The following PTPRE variants were observed in gnomAD, a reference collection of about 807,000 sequenced individuals.
PTPRE encodes receptor-type tyrosine-protein phosphatase epsilon.
Under a neutral mutation model 102.0 loss-of-function variants are expected in PTPRE, and 51 were observed. That is an observed-to-expected ratio of 0.50 (90% CI 0.40 to 0.63). The LOEUF (loss-of-function observed/expected upper bound fraction) is 0.63, where lower values mean the gene tolerates loss of function less well. PTPRE is among the 30% of genes least tolerant of loss of function. PTPRE has a pLI of 0.00. For missense variants in PTPRE, 752 were observed against 915.1 expected, an observed-to-expected ratio of 0.82 and a Z score of 2.30; for synonymous variants, 345 against 348.2, an observed-to-expected ratio of 0.99 and a Z score of 0.10.
intron 1 of PTPRE, among the ~76,000 whole-genome samples, chr10:127,943,825 G>C (rs1453277195): frequency 6.6e-6 from 1 of 152,180 alleles, no homozygotes; most frequent in Non-Finnish European, 1.5e-5. Flanking sequence ...AAGGAGGCCT[G>C]TTCCTCACGA....
intron 2 of PTPRE, among the ~76,000 whole-genome samples, chr10:128,019,947 G>A (rs1845733612): frequency 6.6e-6 from 1 of 152,192 alleles, no homozygotes; most frequent in African/African-American, 2.4e-5. Flanking sequence ...AGTTCTCAGA[G>A]AAATGCCCAG....
intron 1 of PTPRE, among the ~76,000 whole-genome samples, chr10:127,976,706 A>C (rs1851207894): frequency 6.6e-6 from 1 of 151,776 alleles, no homozygotes; most frequent in South Asian, 2.1e-4. Flanking sequence ...ATTCTACTAA[A>C]CTCCTTCATG....
At chr10:128,007,627 C>G (rs1324612878) in intron 2 of PTPRE, among the ~76,000 whole-genome samples, 1 of 152,224 alleles carries the variant, frequency 6.6e-6, no homozygotes, top group Non-Finnish European at 1.5e-5. Context: ...ATGTGGGTTT[C>G]TGAAGTCTGG....
intron 1 of PTPRE, among the ~76,000 whole-genome samples, chr10:127,973,834 C>T (rs915092613): frequency 6.6e-6 from 1 of 152,188 alleles, no homozygotes; most frequent in African/African-American, 2.4e-5. Context: ...GCCAAGCCCA[C>T]GGTCACGCTT....
intron 8 of PTPRE, 82 bp downstream of exon 8, chr10:128,061,097 TA>T: frequency 1.4e-6 from 2 of 1,394,360 alleles, no homozygotes; most frequent in Non-Finnish European, 2.0e-6. Context: ...GCCCGGAGTG[TA>T]AATTGTCACA....
intron 2 of PTPRE, among the ~76,000 whole-genome samples, chr10:127,983,853 A>T (rs749155582): frequency 6.6e-6 from 1 of 152,128 alleles, no homozygotes; most frequent in Non-Finnish European, 1.5e-5. Context: ...CAGCTGAGTG[A>T]TCCTGTGACA....
chr10:128,068,010 C>T, intron 11 of PTPRE, 113 bp from the exon 12 acceptor site: 1 of 1,240,274 alleles, frequency 8.1e-7, no homozygotes, highest in Non-Finnish European at 1.1e-6. Flanking sequence ...ATGGGCCCCT[C>T]CCCTACGCAG....
chr10:127,962,464 C>A (rs909914374), intron 1 of PTPRE, among the ~76,000 whole-genome samples: 1 of 152,210 alleles, frequency 6.6e-6, no homozygotes, highest in Non-Finnish European at 1.5e-5. Flanking sequence ...GCAGCTGCTC[C>A]GCTGGACACA....
chr10:127,956,254 T>G (rs1205446355), intron 1 of PTPRE, among the ~76,000 whole-genome samples: 1 of 152,084 alleles, frequency 6.6e-6, no homozygotes, highest in Non-Finnish European at 1.5e-5. Context: ...AACATTATTT[T>G]GGGGTGTTGT....
intron 1 of PTPRE, among the ~76,000 whole-genome samples, chr10:127,980,338 C>CTTTTTTTTTTT (rs11336623): frequency 1.4e-5 from 2 of 143,972 alleles, no homozygotes; most frequent in Non-Finnish European, 3.0e-5. Flanking sequence ...TATACAAATC[C>CTTTTTTTTTTT]TTTTTTTTTT....
At chr10:127,932,023 T>C (rs999163936) in intron 1 of PTPRE, among the ~76,000 whole-genome samples, 4 of 152,214 alleles carry the variant, frequency 2.6e-5, no homozygotes, top group African/African-American at 9.6e-5. Flanking sequence ...AATACCGTCT[T>C]CAATGGTTAA....
chr10:127,922,606 G>T (rs1426733256), intron 1 of PTPRE, among the ~76,000 whole-genome samples: 1 of 152,202 alleles, frequency 6.6e-6, no homozygotes, highest in Non-Finnish European at 1.5e-5. Context: ...CCAGCTCTCT[G>T]CTCCACAGAA....
chr10:128,060,999 A>G lies in PTPRE; in HGVS notation c.572A>G (p.Asn191Ser), dbSNP rs1849539808. The G allele has an allele frequency of 1.2e-6, 2 of 1,614,112 alleles. No individual in the cohort carries two copies. Among genetic ancestry groups the G allele is most frequent in the African/African-American group, 2.7e-5 (2 of 75,038 alleles). The change falls in exon 8 of 21, where the codon AAT becomes AGT. Residue 191 changes from asparagine (N) to serine (S), a missense_variant. Transcript: ENST00000254667. Reference protein sequence around the residue: ...LDGIPCSDYINASYIDGYKEK... With the variant: ...LDGIPCSDYISASYIDGYKEK... Reference sequence around the variant, plus strand: ...GGAATTCCCTGTTCAGACTACATCAATGCTTCCTACATAGATGTAAGTGGG... The same window carrying G: ...GGAATTCCCTGTTCAGACTACATCAGTGCTTCCTACATAGATGTAAGTGGG...
intron 2 of PTPRE, among the ~76,000 whole-genome samples, chr10:127,993,331 AT>A (rs1203735753): frequency 9.2e-5 from 14 of 152,198 alleles, no homozygotes; most frequent in Admixed American, 6.5e-5. Context: ...TCTAACTCCC[AT>A]TTTCTACTTT....
chr10:127,941,185 G>A (rs1304061218), intron 1 of PTPRE, among the ~76,000 whole-genome samples: 1 of 152,360 alleles, frequency 6.6e-6, no homozygotes, highest in East Asian at 1.9e-4. Flanking sequence ...CAAGGTCACT[G>A]CCACTGGGCT....
intron 2 of PTPRE, chr10:127,987,213 C>T (rs1852166937): frequency 1.5e-6 from 1 of 675,896 alleles, no homozygotes; most frequent in African/African-American, 1.9e-5. Context: ...TAATCAGTCA[C>T]AGTTTCCCCT....
intron 2 of PTPRE, 48 bp from the exon 3 acceptor site, chr10:128,040,827 C>T: frequency 1.3e-6 from 2 of 1,492,182 alleles, no homozygotes; most frequent in Non-Finnish European, 1.9e-6. Flanking sequence ...CGGAGGGTCC[C>T]ACAGCTGCTG....
At chr10:127,973,835 G>A (rs1850944703) in intron 1 of PTPRE, among the ~76,000 whole-genome samples, 1 of 152,086 alleles carries the variant, frequency 6.6e-6, no homozygotes, top group African/African-American at 2.4e-5. Context: ...CCAAGCCCAC[G>A]GTCACGCTTA....
chr10:128,075,162 T>C (rs1225835549), intron 17 of PTPRE, among the ~76,000 whole-genome samples: 6 of 152,182 alleles, frequency 3.9e-5, no homozygotes, highest in Non-Finnish European at 8.8e-5. Context: ...TCGTCATCAT[T>C]ATTTCATTAT....
Sources: allele counts gnomAD v4.1 joint callset (sites outside exome capture counted in the v4.1 genomes callset), GRCh38; gene constraint gnomAD v4.1.1; transcripts MANE v1.5; gene names NCBI Gene and HGNC (gene_info 2026-07-23, HGNC 2026-07-21).